The following GARIN5A variants were observed in gnomAD, a reference collection of about 807,000 sequenced individuals.
GARIN5A encodes golgi associated RAB2 interactor 5A.
the GARIN5A span, among the ~76,000 whole-genome samples, chr19:50,472,205 T>TAC: frequency 6.8e-6 from 1 of 146,004 alleles, no homozygotes; most frequent in African/African-American, 2.6e-5. Flanking sequence ...TGTGCATGTA[T>TAC]ATACATGTGT....
the GARIN5A span, among the ~76,000 whole-genome samples, chr19:50,468,662 G>A: frequency 0.019 from 2,832 of 152,190 alleles, 46 homozygotes; most frequent in Non-Finnish European, 0.027. Context: ...GGAGTGCAGT[G>A]GCACGGTCAT....
the GARIN5A span, chr19:50,476,446 A>G: frequency 6.4e-7 from 1 of 1,558,810 alleles, no homozygotes; most frequent in Non-Finnish European, 8.7e-7. Context: ...GCCGGGGCCC[A>G]GCGCAGGCGC....
chr19:50,472,227 TA>T, the GARIN5A span, among the ~76,000 whole-genome samples: 2 of 77,890 alleles, frequency 2.6e-5, no homozygotes, highest in African/African-American at 1.1e-4. Context: ...TATGTATATA[TA>T]CATGTATGTG....
At chr19:50,475,155 T>G in the GARIN5A span, 2 of 1,040,530 alleles carry the variant, frequency 1.9e-6, no homozygotes, top group Non-Finnish European at 2.7e-6. Flanking sequence ...TTCTGGCCCC[T>G]GAGGGCTGCT....
the GARIN5A span, among the ~76,000 whole-genome samples, chr19:50,470,672 T>G: frequency 6.7e-6 from 1 of 149,588 alleles, no homozygotes; most frequent in African/African-American, 2.5e-5. Flanking sequence ...TTTTTTTTTT[T>G]GAGATGGAGT....
the GARIN5A span, chr19:50,475,754 G>A: frequency 8.7e-6 from 9 of 1,030,922 alleles, no homozygotes; most frequent in East Asian, 1.7e-4. Context: ...ACGTTATGGG[G>A]GAGCAGGGGC....
the GARIN5A span, among the ~76,000 whole-genome samples, chr19:50,468,235 A>G: frequency 0.21 from 31,627 of 151,474 alleles, 6,396 homozygotes; most frequent in African/African-American, 0.53. Flanking sequence ...GGTAGTGGGT[A>G]CCTATAATCC....
At chr19:50,467,789 T>C in the GARIN5A span, 1 of 1,613,114 alleles carries the variant, frequency 6.2e-7, no homozygotes, top group South Asian at 1.1e-5. Context: ...CACCGGCTTT[T>C]GTCGTGGACA....
the GARIN5A span, chr19:50,467,776 T>C: frequency 6.2e-7 from 1 of 1,612,394 alleles, no homozygotes; most frequent in Non-Finnish European, 8.5e-7. Context: ...GACCTCGAGC[T>C]GACACCGGCT....
chr19:50,467,429 C>A, the GARIN5A span: 4 of 646,594 alleles, frequency 6.2e-6, no homozygotes, highest in South Asian at 5.9e-5. Flanking sequence ...AGTCCAGGAC[C>A]CCAGCCCTCA....
the GARIN5A span, chr19:50,476,393 C>A: frequency 1.3e-6 from 2 of 1,552,688 alleles, no homozygotes; most frequent in Admixed American, 1.9e-5. Flanking sequence ...CCCCATCCTG[C>A]TGACGTCAGG....
At chr19:50,476,380 C>T in the GARIN5A span, 34 of 1,555,834 alleles carry the variant, frequency 2.2e-5, no homozygotes, top group Non-Finnish European at 2.9e-5. Context: ...GCCAAAGGGG[C>T]GGCCCCATCC....
chr19:50,467,733 C>A, the GARIN5A span: 1 of 1,607,154 alleles, frequency 6.2e-7, no homozygotes. Flanking sequence ...GGGCCCGCAG[C>A]TGCAAGTAGA....
the GARIN5A span, chr19:50,476,500 G>A: frequency 6.4e-7 from 1 of 1,571,678 alleles, no homozygotes; most frequent in South Asian, 1.1e-5. Flanking sequence ...GTGCTCCGCG[G>A]CTCTTGGCTC....
the GARIN5A span, among the ~76,000 whole-genome samples, chr19:50,471,860 ATG>A: frequency 2.7e-5 from 4 of 150,262 alleles, no homozygotes; most frequent in Admixed American, 1.3e-4. Context: ...GCATACATAC[ATG>A]TGTATATGTA....
At chr19:50,475,813 G>A in the GARIN5A span, 3 of 1,570,546 alleles carry the variant, frequency 1.9e-6, no homozygotes, top group Non-Finnish European at 2.6e-6. Context: ...TGGGGATGAG[G>A]GGGTTCTGGG....
At chr19:50,472,584 G>T in the GARIN5A span, among the ~76,000 whole-genome samples, 1 of 152,098 alleles carries the variant, frequency 6.6e-6, no homozygotes, top group African/African-American at 2.4e-5. Context: ...ATCAATTGGT[G>T]AAATACAGTT....
chr19:50,476,238 G>C, the GARIN5A span: 278 of 1,613,474 alleles, frequency 1.7e-4, 2 homozygotes, highest in African/African-American at 3.2e-3. Context: ...CGGAGGAGCA[G>C]AGGGAGAAAG....
the GARIN5A span, among the ~76,000 whole-genome samples, chr19:50,474,779 AC>A: frequency 2.0e-5 from 3 of 152,002 alleles, no homozygotes; most frequent in African/African-American, 7.3e-5. Flanking sequence ...GGGCCACCGC[AC>A]CCGATCTGCA....
Sources: gnomAD v4.1 joint callset for allele counts (sites outside exome capture counted in the v4.1 genomes callset) on GRCh38, gnomAD v4.1.1 for gene constraint, MANE v1.5 for transcripts, NCBI Gene and HGNC (gene_info 2026-07-23, HGNC 2026-07-21) for gene names.